SLC22A16: variants seen among roughly 807,000 people sequenced by gnomAD.
SLC22A16 encodes solute carrier family 22 member 16.
In SLC22A16, 53 loss-of-function variants were observed where a neutral mutation model predicts 52.9. The observed-to-expected ratio is 1.00, with a 90% confidence interval of 0.80 to 1.26. The LOEUF is 1.26. SLC22A16 is among the 50% of genes most tolerant of loss of function. The probability of loss-of-function intolerance (pLI) is 0.00; values close to 1 mark genes in which losing one functional copy is unlikely to be tolerated. For synonymous variants in SLC22A16, 291 were observed against 268.8 expected (o/e 1.08, Z -0.81); for missense variants, 726 against 704.0 (o/e 1.03, Z -0.35).
At chr6:110,460,085 T>C (rs1775811506) in intron 1 of SLC22A16, among the ~76,000 whole-genome samples, 2 of 152,226 alleles carry the variant, frequency 1.3e-5, no homozygotes, top group Admixed American at 6.5e-5. Context: ...AAATAGGTCC[T>C]GTCCGATCAA....
intron 2 of SLC22A16, among the ~76,000 whole-genome samples, chr6:110,450,939 T>C (rs1378269637): frequency 5.9e-5 from 9 of 152,188 alleles, no homozygotes; most frequent in Non-Finnish European, 1.5e-5. Flanking sequence ...GGTGATAATC[T>C]CTTGTTTTTT....
In SLC22A16 at chr6:110,424,825, C is replaced by T. The variant is rs1562272330; in HGVS notation, c.*48G>A. 2.5e-6 allele frequency: 4 copies of T among 1,598,360 alleles called. No homozygotes were observed. The highest frequency in any genetic ancestry group is 3.4e-6 in the Non-Finnish European group (4 of 1,166,644). On this transcript the variant is annotated 3_prime_UTR_variant, in exon 8 of 8. Coordinates refer to ENST00000368919, the MANE Select transcript of SLC22A16 (RefSeq NM_033125.4). ...GAATAAGATTCCTCTAATACAAAGG[C>T]ATTAGGGTAAATAATATTTCAGGTG... is the stretch of plus-strand genomic sequence containing the variant.
intron 2 of SLC22A16, 113 bp from the exon 3 acceptor site, chr6:110,447,103 TATTG>T: frequency 1.3e-6 from 1 of 770,710 alleles, no homozygotes. Context: ...ATAGCTTATG[TATTG>T]ATTGTTTTTC....
chr6:110,476,498 C>CGGGGGGGGGGGGGGG, intron 1 of SLC22A16, 24 bp downstream of exon 1: 1 of 368,388 alleles, frequency 2.7e-6, no homozygotes, highest in African/African-American at 3.2e-5. Flanking sequence ...TCCCGCGTGG[C>CGGGGGGGGGGGGGGG]GCCGCGGGGC....
intron 1 of SLC22A16, among the ~76,000 whole-genome samples, chr6:110,462,707 A>C (rs1033131065): frequency 6.6e-6 from 1 of 152,170 alleles, no homozygotes; most frequent in African/African-American, 2.4e-5. Context: ...ATTTAAGAGA[A>C]TAATTCAGGA....
intron 1 of SLC22A16, among the ~76,000 whole-genome samples, chr6:110,470,921 A>G (rs1344773693): frequency 2.0e-5 from 3 of 152,146 alleles, no homozygotes; most frequent in Non-Finnish European, 4.4e-5. Flanking sequence ...CATTCAAAAT[A>G]CTGGACAATT....
At position 110,463,368 on chromosome 6, in the gene SLC22A16, T is replaced by C. The variant is rs540506688; in HGVS notation, c.54-6351A>G. Among the ~76,000 whole-genome samples the C allele has an allele frequency of 2.0e-5, 3 of 151,788 alleles. No individual in the cohort carries two copies. The South Asian group carries it at 6.2e-4, about 32-fold the overall frequency. On this transcript the variant is annotated intron_variant, in intron 1 of 7. Coordinates refer to ENST00000368919, the MANE Select transcript of SLC22A16 (RefSeq NM_033125.4). ...TTTTTAAAAAGACCCAACCATCTGC[T>C]ACCTACAAGAGACCACTTAATATGT...
intron 7 of SLC22A16, among the ~76,000 whole-genome samples, chr6:110,427,014 G>A (rs1774283110): frequency 6.6e-6 from 1 of 151,830 alleles, no homozygotes; most frequent in African/African-American, 2.4e-5. Context: ...GACTTTGGGA[G>A]GCTAAGGCTG....
chr6:110,458,587 T>C (rs1351497313), intron 1 of SLC22A16, among the ~76,000 whole-genome samples: 1 of 152,158 alleles, frequency 6.6e-6, no homozygotes, highest in Non-Finnish European at 1.5e-5. Flanking sequence ...CTTGACTGGG[T>C]TAAGGGAAGC....
In SLC22A16 at chr6:110,431,273, G is replaced by C. The variant is rs1774492249; in HGVS notation, c.1422-3C>G. On this transcript the variant is annotated splice_region_variant and splice_polypyrimidine_tract_variant and intron_variant, in intron 6 of 7. Coordinates refer to ENST00000368919, the MANE Select transcript of SLC22A16 (RefSeq NM_033125.4). ...TGCCGCTTCCCACAGCCAGCGATCT[G>C]GAAACAGAGGAGAGAGGCTGAGACA... The C allele has an allele frequency of 2.0e-5, 32 of 1,610,758 alleles. No homozygotes were observed. Among genetic ancestry groups the C allele is most frequent in the Non-Finnish European group, 2.7e-5 (32 of 1,179,610 alleles).
chr6:110,436,075 A>G, intron 5 of SLC22A16, 114 bp from the exon 6 acceptor site: 2 of 675,860 alleles, frequency 3.0e-6, no homozygotes, highest in Non-Finnish European at 5.1e-6. Flanking sequence ...TTTTCAGAAC[A>G]ATGAAGACCC....
Position 110,425,016 on chromosome 6 carries a change from G to C in SLC22A16, c.1591C>G (p.Arg531Gly), listed in dbSNP as rs367841451. Residue 531 changes from arginine to glycine, a missense_variant, in exon 8 of 8, where the codon CGG becomes GGG. Arg to Gly is a moderately radical substitution (Grantham distance 125, BLOSUM62 -2). Coordinates refer to ENST00000368919, the MANE Select transcript of SLC22A16 (RefSeq NM_033125.4). Reference sequence around the variant, plus strand: ...GCCTCCTCCCAAGTAGTTGCTAGCCGTTTCCCAAGGGTTTCTGGAAGCTTT... The same window carrying C: ...GCCTCCTCCCAAGTAGTTGCTAGCCCTTTCCCAAGGGTTTCTGGAAGCTTT... ...TLKLPETLGK[R>G]LATTWEEAAK... 6.2e-7 allele frequency: 1 copy of C among 1,613,962 alleles called. No homozygotes were observed. The highest frequency in any genetic ancestry group is 1.3e-5 in the African/African-American group (1 of 74,880).
chr6:110,429,304 C>T (rs1436015254), intron 7 of SLC22A16, among the ~76,000 whole-genome samples: 1 of 152,126 alleles, frequency 6.6e-6, no homozygotes, highest in Non-Finnish European at 1.5e-5. Flanking sequence ...ATCTAACACC[C>T]CAATGGCACA....
chr6:110,434,633 G>GGA (rs1774644831), intron 6 of SLC22A16, among the ~76,000 whole-genome samples: 1 of 140,506 alleles, frequency 7.1e-6, no homozygotes, highest in African/African-American at 2.5e-5. Flanking sequence ...TGTCGGGGGG[G>GGA]CGGGTGGGGC....
intron 2 of SLC22A16, among the ~76,000 whole-genome samples, chr6:110,450,556 GA>G (rs1775336723): frequency 7.8e-6 from 1 of 128,106 alleles, no homozygotes. Context: ...AAGTTGCAGT[GA>G]TCCAAGATCG....
chr6:110,476,124 C>G (rs922730330), intron 1 of SLC22A16: 2 of 406,444 alleles, frequency 4.9e-6, no homozygotes. Flanking sequence ...TGGGCAGCAG[C>G]CGTCTAGGGA....
intron 1 of SLC22A16, among the ~76,000 whole-genome samples, chr6:110,462,068 G>T (rs62421694): frequency 0.049 from 7,522 of 152,258 alleles, 224 homozygotes; most frequent in South Asian, 0.085. Context: ...CTTGTGCAGA[G>T]AAACTCCCAT....
rs557993105 is a variant in SLC22A16 at position 110,449,123 on chromosome 6, C to T, written c.534-2133G>A. 2.6e-5 allele frequency among the ~76,000 whole-genome samples: 4 copies of T among 152,278 alleles called. No homozygotes were observed. In the East Asian group the frequency reaches 7.7e-4, roughly 29 times the overall value. On this transcript the variant is annotated intron_variant, in intron 2 of 7. Coordinates refer to ENST00000368919, the MANE Select transcript of SLC22A16 (RefSeq NM_033125.4). ...GCCAATGATGACCAGGTGCAACCAA[C>T]TTTTCTGAGCTCATTTTGCAGTCAC...
At chr6:110,449,051 A>C (rs920277085) in intron 2 of SLC22A16, among the ~76,000 whole-genome samples, 1 of 152,060 alleles carries the variant, frequency 6.6e-6, no homozygotes, top group African/African-American at 2.4e-5. Context: ...CTTGACAGAT[A>C]TATCAGAAGG....
Sources: allele counts gnomAD v4.1 joint callset (sites outside exome capture counted in the v4.1 genomes callset), GRCh38; gene constraint gnomAD v4.1.1; transcripts MANE v1.5; gene names NCBI Gene and HGNC (gene_info 2026-07-23, HGNC 2026-07-21).